Variants in SAMMSON observed in about 807,000 individuals in gnomAD.
SAMMSON encodes the protein long intergenic non-protein coding RNA 1212.
intron 4 of SAMMSON, among the ~76,000 whole-genome samples, chr3:70,225,037 T>C (rs535178419): frequency 9.2e-5 from 14 of 152,172 alleles, no homozygotes; most frequent in Non-Finnish European, 1.9e-4. Context: ...TTAAAACTGT[T>C]TGGAAAATAT....
chr3:70,299,948 G>A (rs1292089473), intron 7 of SAMMSON, among the ~76,000 whole-genome samples: 3 of 152,002 alleles, frequency 2.0e-5, no homozygotes, highest in East Asian at 1.9e-4. Context: ...CCAGTCAAAC[G>A]TAGCTATCGT....
chr3:70,032,996 G>C (rs1034229811), intron 3 of SAMMSON, among the ~76,000 whole-genome samples: 4 of 152,240 alleles, frequency 2.6e-5, no homozygotes, highest in African/African-American at 7.2e-5. Context: ...AGTGTGAGCT[G>C]TGCCTCTCAG....
intron 4 of SAMMSON, among the ~76,000 whole-genome samples, chr3:70,208,951 G>T (rs1199657320): frequency 6.6e-6 from 1 of 152,076 alleles, no homozygotes; most frequent in Admixed American, 6.6e-5. Flanking sequence ...ATCTGTCGTT[G>T]AAAGCAATTA....
At position 70,176,466 on chromosome 3, in the gene SAMMSON, C is replaced by T. The variant is rs141613203; in HGVS notation, n.508-72641C>T. 2.0e-4 allele frequency among the ~76,000 whole-genome samples: 30 copies of T among 152,188 alleles called. No homozygotes were observed. In the East Asian group the frequency reaches 3.7e-3, roughly 19 times the overall value. On this transcript the variant is annotated intron_variant and non_coding_transcript_variant, in intron 4 of 9. Transcript: ENST00000642114. ...ACTTTTCATCAATGTCTTGACCTGA[C>T]GTGGATGACAAAATATTCTTTTGTA...
At position 70,285,681 on chromosome 3, in the gene SAMMSON, A is replaced by C. The variant is rs1320151825; in HGVS notation, n.675-5498A>C. Reference sequence around the variant, plus strand: ...TAGTTTACAGTCCCACCAACAGTGTAAAAGTGTTCCTATTTCTCCACATCC... The same window carrying C: ...TAGTTTACAGTCCCACCAACAGTGTCAAAGTGTTCCTATTTCTCCACATCC... On this transcript the variant is annotated intron_variant and non_coding_transcript_variant, in intron 6 of 9. Coordinates refer to ENST00000642114, the Ensembl canonical transcript of SAMMSON. Among the ~76,000 whole-genome samples the C allele has an allele frequency of 6.9e-3, 1,030 of 150,232 alleles. 8 individuals are homozygous for C. The highest frequency in any genetic ancestry group is 0.022 in the African/African-American group (888 of 41,004).
At chr3:70,294,379 A>G (rs1350850561) in intron 7 of SAMMSON, among the ~76,000 whole-genome samples, 2 of 152,202 alleles carry the variant, frequency 1.3e-5, no homozygotes, top group South Asian at 2.1e-4. Context: ...ACACATATTT[A>G]TAAGCATTCA....
At chr3:70,218,756 GA>G (rs200153359) in intron 4 of SAMMSON, among the ~76,000 whole-genome samples, 56 of 151,640 alleles carry the variant, frequency 3.7e-4, no homozygotes, top group African/African-American at 1.3e-3. Flanking sequence ...ACAATAAATA[GA>G]AAAAAAAATT....
chr3:70,199,580 C>G (rs1701215782), intron 4 of SAMMSON, among the ~76,000 whole-genome samples: 1 of 152,098 alleles, frequency 6.6e-6, no homozygotes, highest in South Asian at 2.1e-4. Flanking sequence ...TCCGATCTTT[C>G]AAGTGAGTTC....
chr3:70,260,383 A>G (rs1410863669), intron 6 of SAMMSON, among the ~76,000 whole-genome samples: 1 of 152,082 alleles, frequency 6.6e-6, no homozygotes, highest in East Asian at 1.9e-4. Context: ...AAGTTAGCTA[A>G]TTACATCTGC....
chr3:70,302,202 A>G (rs950875486), intron 7 of SAMMSON, among the ~76,000 whole-genome samples: 2 of 152,120 alleles, frequency 1.3e-5, no homozygotes, highest in Non-Finnish European at 2.9e-5. Flanking sequence ...GGTTGAAATG[A>G]TTTATGCCTG....
At chr3:70,353,999 A>T (rs957858886) in intron 7 of SAMMSON, among the ~76,000 whole-genome samples, 2 of 152,216 alleles carry the variant, frequency 1.3e-5, no homozygotes, top group African/African-American at 4.8e-5. Flanking sequence ...TGAAAATGAC[A>T]AAATTATAGA....
At chr3:70,184,776 G>T (rs1487870348) in intron 4 of SAMMSON, among the ~76,000 whole-genome samples, 2 of 152,318 alleles carry the variant, frequency 1.3e-5, no homozygotes, top group East Asian at 3.9e-4. Flanking sequence ...CCTTTCTGGG[G>T]AATCTTTGGG....
chr3:70,293,488 C>G (rs1288546379), intron 7 of SAMMSON, among the ~76,000 whole-genome samples: 3 of 152,030 alleles, frequency 2.0e-5, no homozygotes, highest in Admixed American at 2.0e-4. Flanking sequence ...ACAGGCGATG[C>G]TGATCCTACT....
At chr3:70,058,742 T>C (rs1015878314) in intron 3 of SAMMSON, among the ~76,000 whole-genome samples, 13 of 152,132 alleles carry the variant, frequency 8.5e-5, no homozygotes, top group African/African-American at 2.4e-4. Context: ...AGGCCTGCAA[T>C]TGATCACTTG....
At chr3:70,365,181 C>T (rs1237231710) in intron 9 of SAMMSON, among the ~76,000 whole-genome samples, 1 of 151,692 alleles carries the variant, frequency 6.6e-6, no homozygotes, top group African/African-American at 2.4e-5. Flanking sequence ...TAAAATGCTC[C>T]ATGCTTTTCT....
chr3:70,145,393 C>T (rs746584746), intron 4 of SAMMSON, among the ~76,000 whole-genome samples: 4 of 152,088 alleles, frequency 2.6e-5, no homozygotes, highest in Admixed American at 6.6e-5. Flanking sequence ...CAAAAACCAA[C>T]GGAATAATAG....
At chr3:70,166,161 A>G (rs146611363) in intron 4 of SAMMSON, among the ~76,000 whole-genome samples, 108 of 152,110 alleles carry the variant, frequency 7.1e-4, no homozygotes, top group African/African-American at 2.6e-3. Context: ...GAGTCAGCCA[A>G]ACCTGGGGTT....
At chr3:70,028,190 T>TTCCTTCCTTC (rs1559776290) in intron 3 of SAMMSON, among the ~76,000 whole-genome samples, 49 of 143,518 alleles carry the variant, frequency 3.4e-4, no homozygotes, top group African/African-American at 1.3e-3. Flanking sequence ...TTCCTTCCTT[T>TTCCTTCCTTC]CTTTCTTTCT....
At chr3:70,312,060 A>G in intron 7 of SAMMSON, 1 of 394,418 alleles carries the variant, frequency 2.5e-6, no homozygotes, top group Non-Finnish European at 4.5e-6. Context: ...AACTACTGCC[A>G]TATTATGGGA....
Sources: gnomAD v4.1 joint callset for allele counts (sites outside exome capture counted in the v4.1 genomes callset) on GRCh38, gnomAD v4.1.1 for gene constraint, MANE v1.5 for transcripts, NCBI Gene and HGNC (gene_info 2026-07-23, HGNC 2026-07-21) for gene names.